The following OR14I1 variants were observed in gnomAD, a reference collection of about 807,000 sequenced individuals.
The protein encoded by OR14I1 is olfactory receptor family 14 subfamily I member 1.
For synonymous variants in OR14I1, 118 were observed against 71.1 expected (o/e 1.66, Z -3.32); for missense variants, 279 against 181.8 (o/e 1.53, Z -3.07).
At chr1:248,698,310 A>G in the OR14I1 span, among the ~76,000 whole-genome samples, 1 of 152,360 alleles carries the variant, frequency 6.6e-6, no homozygotes, top group South Asian at 2.1e-4. Flanking sequence ...AATATGTGCC[A>G]TGTGAAAGAA....
At chr1:248,683,317 T>C (rs193165599), upstream of OR14I1, among the ~76,000 whole-genome samples, 24 of 152,358 alleles carry the variant, frequency 1.6e-4, no homozygotes, top group East Asian at 3.3e-3. Flanking sequence ...TATCTATATG[T>C]TTAAAATTAG....
the OR14I1 span, among the ~76,000 whole-genome samples, chr1:248,691,024 C>CT: frequency 1.3e-5 from 2 of 152,096 alleles, no homozygotes; most frequent in African/African-American, 4.8e-5. Context: ...CAGAAAAGGC[C>CT]TTTTTTAAGG....
chr1:248,688,414 TAA>T, the OR14I1 span, among the ~76,000 whole-genome samples: 1 of 152,210 alleles, frequency 6.6e-6, no homozygotes, highest in East Asian at 1.9e-4. Context: ...GTCCTCAAAA[TAA>T]GCAGGTGAAA....
the OR14I1 span, among the ~76,000 whole-genome samples, chr1:248,696,863 T>C: frequency 2.0e-5 from 3 of 152,178 alleles, no homozygotes; most frequent in Non-Finnish European, 4.4e-5. Context: ...ATAGTAACTC[T>C]AGTGTTATTG....
At chr1:248,690,775 CCA>C in the OR14I1 span, among the ~76,000 whole-genome samples, 16 of 120,746 alleles carry the variant, frequency 1.3e-4, no homozygotes, top group African/African-American at 9.1e-5. Flanking sequence ...AGAGACACAA[CCA>C]AAAAAAAAAA....
chr1:248,696,545 T>G, the OR14I1 span, among the ~76,000 whole-genome samples: 5 of 152,208 alleles, frequency 3.3e-5, no homozygotes, highest in African/African-American at 9.7e-5. Context: ...GCTAAGGCTC[T>G]TTCTTGTTAG....
At chr1:248,686,981 G>A (rs932176726), upstream of OR14I1, among the ~76,000 whole-genome samples, 1 of 152,204 alleles carries the variant, frequency 6.6e-6, no homozygotes, top group Non-Finnish European at 1.5e-5. Context: ...ACAGTCTGGA[G>A]GAGATTGGCT....
At chr1:248,700,274 T>A in the OR14I1 span, among the ~76,000 whole-genome samples, 1 of 152,228 alleles carries the variant, frequency 6.6e-6, no homozygotes, top group African/African-American at 2.4e-5. Flanking sequence ...AAGTAAAAGA[T>A]CATAATTTAT....
chr1:248,701,422 G>A, the OR14I1 span, among the ~76,000 whole-genome samples: 1 of 152,280 alleles, frequency 6.6e-6, no homozygotes, highest in Non-Finnish European at 1.5e-5. Context: ...CCAAAGGGCT[G>A]GGATTACAGG....
At chr1:248,682,114 A>G (rs140738344) in exon 1 of OR14I1, 554 of 781,058 alleles carry the variant, frequency 7.1e-4, no homozygotes, top group Non-Finnish European at 1.0e-3. Flanking sequence ...CAAAACGGAG[A>G]GGTTCTTCAG....
At chr1:248,696,625 TGTAA>T in the OR14I1 span, among the ~76,000 whole-genome samples, 4 of 152,134 alleles carry the variant, frequency 2.6e-5, no homozygotes, top group Admixed American at 6.5e-5. Context: ...CATTTTTCTG[TGTAA>T]GTGTTTGGAA....
At chr1:248,684,333 C>T (rs1006937055), upstream of OR14I1, among the ~76,000 whole-genome samples, 5 of 152,178 alleles carry the variant, frequency 3.3e-5, no homozygotes, top group Non-Finnish European at 7.4e-5. Flanking sequence ...AGTAAAGTCT[C>T]GACAAACATG....
Position 248,682,249 on chromosome 1 carries a change from C to T in OR14I1, c.56G>A (p.Trp19Ter), listed in dbSNP as rs888717679. Reference sequence around the variant, plus strand: ...CCCGGCGTGCAGCACCTGCAGCTCCCAGATACCAGAAAACTCCATCAGCAG... The same window carrying T: ...CCCGGCGTGCAGCACCTGCAGCTCCTAGATACCAGAAAACTCCATCAGCAG... The change falls in exon 1 of 1, where the codon TGG (tryptophan) becomes TAG (stop). Residue 19 changes from tryptophan to a stop codon, truncating the protein, a stop_gained. Transcript: ENST00000342623. LOFTEE classifies it low-confidence loss of function (END_TRUNC). 1.3e-6 allele frequency: 1 copy of T among 770,562 alleles called. No homozygotes were observed. The highest frequency in any genetic ancestry group is 1.7e-5 in the African/African-American group (1 of 58,896). The allele number at this position is 770,562 out of a possible 1,614,324, so 47.7% of individuals were successfully genotyped here.
At chr1:248,696,795 C>A in the OR14I1 span, among the ~76,000 whole-genome samples, 1 of 152,024 alleles carries the variant, frequency 6.6e-6, no homozygotes, top group African/African-American at 2.4e-5. Context: ...TTTTTTTCTT[C>A]TTTGTTTTTT....
chr1:248,684,065 C>T (rs1164479926), upstream of OR14I1, among the ~76,000 whole-genome samples: 3 of 151,998 alleles, frequency 2.0e-5, no homozygotes, highest in African/African-American at 7.2e-5. Flanking sequence ...TGTACTGTCA[C>T]ACAAAGTCAA....
At chr1:248,686,236 G>C (rs1423528453), upstream of OR14I1, among the ~76,000 whole-genome samples, 1 of 152,174 alleles carries the variant, frequency 6.6e-6, no homozygotes, top group African/African-American at 2.4e-5. Context: ...GTCATGTTCT[G>C]ACACAGCTGT....
At chr1:248,682,164 G>C (rs1381904112) in exon 1 of OR14I1, 1 of 780,916 alleles carries the variant, frequency 1.3e-6, no homozygotes, top group East Asian at 2.4e-5. Context: ...GATCGAGAGT[G>C]ATGACTGCAA....
the OR14I1 span, among the ~76,000 whole-genome samples, chr1:248,693,886 G>T: frequency 1.4e-5 from 2 of 146,632 alleles, no homozygotes; most frequent in African/African-American, 2.6e-5. Context: ...AGAAATCAAA[G>T]TCCAGAACTT....
chr1:248,686,616 T>C (rs1661655178), upstream of OR14I1, among the ~76,000 whole-genome samples: 1 of 119,766 alleles, frequency 8.3e-6, no homozygotes, highest in South Asian at 2.8e-4. Context: ...TGAAACATAA[T>C]TACTAAGAGA....
Sources: allele counts gnomAD v4.1 joint callset (sites outside exome capture counted in the v4.1 genomes callset), GRCh38; gene constraint gnomAD v4.1.1; transcripts MANE v1.5; gene names NCBI Gene and HGNC (gene_info 2026-07-23, HGNC 2026-07-21).